RNGTT: variants seen among roughly 807,000 people sequenced by gnomAD.
RNGTT encodes RNA guanylyltransferase and 5'-phosphatase, also known as mRNA-capping enzyme.
In RNGTT, 33 loss-of-function variants were observed where a neutral mutation model predicts 79.3. The ratio of observed to expected loss-of-function variants is 0.42; its 90% CI spans 0.32 to 0.56. The LOEUF (loss-of-function observed/expected upper bound fraction) is 0.56, where lower values mean the gene tolerates loss of function less well. Ranked by LOEUF, RNGTT falls within the 20% of genes least tolerant of loss-of-function variation. The pLI, the probability that RNGTT is intolerant of heterozygous loss-of-function variation, is 0.17. For synonymous variants in RNGTT, 222 were observed against 235.9 expected (o/e 0.94, Z 0.54); for missense variants, 497 against 739.1 (o/e 0.67, Z 3.80).
intron 8 of RNGTT, among the ~76,000 whole-genome samples, chr6:88,868,067 A>G (rs1336619550): frequency 6.6e-6 from 1 of 152,030 alleles, no homozygotes; most frequent in Admixed American, 6.6e-5. Context: ...TGCCACAGCA[A>G]CTATTCCTCA....
At chr6:88,886,223 G>A (rs537394558) in intron 8 of RNGTT, among the ~76,000 whole-genome samples, 9 of 152,210 alleles carry the variant, frequency 5.9e-5, no homozygotes, top group Admixed American at 2.0e-4. Context: ...GGAGAATGGC[G>A]TGAACCCAGC....
chr6:88,831,752 A>G (rs1215944111), intron 11 of RNGTT, among the ~76,000 whole-genome samples: 1 of 152,258 alleles, frequency 6.6e-6, no homozygotes, highest in Non-Finnish European at 1.5e-5. Context: ...CTCAGGATAC[A>G]AAATCGATGC....
rs150896005 is a variant in RNGTT at position 88,698,006 on chromosome 6, G to A, written c.1440-19587C>T. ...TGATATATATATGAAATACATATAT[G>A]ATATATATATGAAATACATATATAT... On this transcript the variant is annotated intron_variant, in intron 13 of 15. Transcript: ENST00000369485. Among the ~76,000 whole-genome samples, 5 of 85,988 alleles carry A rather than the reference G, an allele frequency of 5.8e-5. 2 individuals carry two copies. The highest frequency in any genetic ancestry group is 4.5e-4 in the African/African-American group (5 of 11,226). The allele number at this position is 85,988 out of a possible 152,430, so 56.4% of individuals were successfully genotyped here. A position where few individuals can be genotyped will look rare whatever the true frequency, so the allele number is the denominator to read the frequency against.
intron 13 of RNGTT, among the ~76,000 whole-genome samples, chr6:88,726,290 T>C (rs1488319684): frequency 6.7e-6 from 1 of 150,012 alleles, no homozygotes; most frequent in African/African-American, 2.5e-5. Flanking sequence ...ATTCAATCTG[T>C]ACCGGCAACT....
intron 14 of RNGTT, among the ~76,000 whole-genome samples, chr6:88,645,841 A>G (rs1157186573): frequency 2.0e-5 from 3 of 152,248 alleles, no homozygotes; most frequent in Non-Finnish European, 4.4e-5. Flanking sequence ...TACACCTTAT[A>G]CAAAAATTAG....
chr6:88,835,268 T>C (rs1284869839), intron 11 of RNGTT, among the ~76,000 whole-genome samples: 1 of 152,138 alleles, frequency 6.6e-6, no homozygotes, highest in Non-Finnish European at 1.5e-5. Flanking sequence ...TTATTTTTTT[T>C]AATCAAGCAC....
At chr6:88,615,598 C>T (rs542242261) in intron 14 of RNGTT, among the ~76,000 whole-genome samples, 1 of 152,270 alleles carries the variant, frequency 6.6e-6, no homozygotes, top group Non-Finnish European at 1.5e-5. Flanking sequence ...GGGACCCATT[C>T]TTTTATTTTG....
chr6:88,659,139 A>G (rs1774090218), intron 14 of RNGTT, among the ~76,000 whole-genome samples: 1 of 152,242 alleles, frequency 6.6e-6, no homozygotes, highest in African/African-American at 2.4e-5. Context: ...GGATAAAAGA[A>G]TCTGAACAGC....
At chr6:88,797,391 G>A (rs1235153910) in intron 12 of RNGTT, among the ~76,000 whole-genome samples, 1 of 152,026 alleles carries the variant, frequency 6.6e-6, no homozygotes, top group Non-Finnish European at 1.5e-5. Context: ...AATCAAAAAA[G>A]CAGAAAAGAT....
chr6:88,865,604 A>G (rs1473462668), intron 8 of RNGTT, among the ~76,000 whole-genome samples: 1 of 152,144 alleles, frequency 6.6e-6, no homozygotes, highest in Admixed American at 6.5e-5. Flanking sequence ...TTTTCTATGA[A>G]TAGGTATAAC....
chr6:88,634,309 T>A (rs1773014244), intron 14 of RNGTT, among the ~76,000 whole-genome samples: 2 of 152,162 alleles, frequency 1.3e-5, no homozygotes, highest in Admixed American at 1.3e-4. Flanking sequence ...TGCCTCCCTG[T>A]CTGCCAGTCT....
intron 13 of RNGTT, among the ~76,000 whole-genome samples, chr6:88,728,587 C>G (rs1438836766): frequency 6.6e-6 from 1 of 152,330 alleles, no homozygotes; most frequent in East Asian, 1.9e-4. Context: ...TAATCCTATA[C>G]AGGTTATTAT....
intron 13 of RNGTT, among the ~76,000 whole-genome samples, chr6:88,683,639 G>GA (rs929153938): frequency 5.9e-5 from 9 of 152,054 alleles, no homozygotes; most frequent in Non-Finnish European, 1.0e-4. Flanking sequence ...CACAGACTGG[G>GA]AAAAAAATAT....
intron 14 of RNGTT, among the ~76,000 whole-genome samples, chr6:88,675,170 G>A (rs1233197322): frequency 6.6e-6 from 1 of 151,772 alleles, no homozygotes; most frequent in Non-Finnish European, 1.5e-5. Context: ...AAAACTGAGT[G>A]TCTCAACTCT....
chr6:88,763,087 CTTTTTTTTTTTTTTTT>C (rs59200191), intron 13 of RNGTT, among the ~76,000 whole-genome samples: 2 of 95,524 alleles, frequency 2.1e-5, no homozygotes, highest in Non-Finnish European at 3.9e-5. Context: ...TCATGGCCAG[CTTTTTTTTTTTTTTTT>C]TTTTTTTTTT....
At chr6:88,773,420 T>G (rs1465938819) in intron 12 of RNGTT, among the ~76,000 whole-genome samples, 2 of 149,762 alleles carry the variant, frequency 1.3e-5, no homozygotes, top group Non-Finnish European at 3.0e-5. Flanking sequence ...TGTATACATA[T>G]GTAACTAACC....
intron 4 of RNGTT, among the ~76,000 whole-genome samples, chr6:88,908,975 A>C (rs1052415965): frequency 6.6e-6 from 1 of 151,980 alleles, no homozygotes; most frequent in Admixed American, 6.6e-5. Flanking sequence ...GCCTGGTCCC[A>C]CTTCCCCAGG....
chr6:88,843,775 C>T (rs1313601626), intron 11 of RNGTT, among the ~76,000 whole-genome samples: 2 of 151,012 alleles, frequency 1.3e-5, no homozygotes, highest in Non-Finnish European at 2.9e-5. Flanking sequence ...CCAGGCTGGT[C>T]TTGAGTTCCT....
chr6:88,830,980 C>T (rs1460580996), intron 11 of RNGTT, among the ~76,000 whole-genome samples: 2 of 152,088 alleles, frequency 1.3e-5, no homozygotes, highest in Non-Finnish European at 2.9e-5. Flanking sequence ...CAGGACCGGA[C>T]AGATTCACAG....
Sources: gnomAD v4.1 joint callset for allele counts (sites outside exome capture counted in the v4.1 genomes callset) on GRCh38, gnomAD v4.1.1 for gene constraint, MANE v1.5 for transcripts, NCBI Gene and HGNC (gene_info 2026-07-23, HGNC 2026-07-21) for gene names.